Variants in SOX5 observed in about 807,000 individuals in gnomAD.
SOX5 encodes the protein transcription factor SOX-5.
A neutral mutation model predicts 92.0 loss-of-function variants in SOX5; 9 were observed. The ratio of observed to expected loss-of-function variants is 0.10; its 90% CI spans 0.06 to 0.17. The LOEUF is 0.17. Ranked by LOEUF, SOX5 falls within the 10% of genes least tolerant of loss-of-function variation. SOX5 has a pLI of 1.00. For synonymous variants in SOX5, 344 were observed against 336.3 expected (o/e 1.02, Z -0.25); for missense variants, 642 against 944.5 (o/e 0.68, Z 4.20).
chr12:23,667,067 G>C (rs183748590), intron 6 of SOX5, among the ~76,000 whole-genome samples: 99 of 152,186 alleles, frequency 6.5e-4, no homozygotes, highest in Non-Finnish European at 9.7e-4. Flanking sequence ...AGCGAGGACT[G>C]AGAGAGGGAG....
At chr12:24,455,953 C>T (rs1259325508) in intron 1 of SOX5, among the ~76,000 whole-genome samples, 1 of 152,138 alleles carries the variant, frequency 6.6e-6, no homozygotes, top group Non-Finnish European at 1.5e-5. Context: ...TCCAAAGCTC[C>T]CCATGGATTA....
intron 2 of SOX5, among the ~76,000 whole-genome samples, chr12:24,342,232 T>A (rs1952660482): frequency 6.6e-6 from 1 of 152,218 alleles, no homozygotes; most frequent in Non-Finnish European, 1.5e-5. Context: ...ATGAAATGTT[T>A]CTTTGAGCCT....
intron 1 of SOX5, among the ~76,000 whole-genome samples, chr12:24,402,459 G>A (rs939820158): frequency 4.0e-5 from 6 of 151,890 alleles, no homozygotes; most frequent in South Asian, 2.1e-4. Context: ...TAATTCCTCC[G>A]CCTGCCTCTT....
intron 9 of SOX5, among the ~76,000 whole-genome samples, chr12:23,590,155 A>T (rs1026972867): frequency 1.3e-5 from 2 of 152,000 alleles, no homozygotes; most frequent in Non-Finnish European, 2.9e-5. Context: ...CCAGTGTCAC[A>T]AACATAGGCA....
At chr12:24,202,404 T>C (rs933947392) in intron 4 of SOX5, among the ~76,000 whole-genome samples, 8 of 152,196 alleles carry the variant, frequency 5.3e-5, no homozygotes, top group Non-Finnish European at 1.2e-4. Flanking sequence ...AGAGTGTCCA[T>C]ATATTCTTTA....
At chr12:23,779,808 T>TACACAC (rs1230420618) in intron 3 of SOX5, among the ~76,000 whole-genome samples, 3 of 104,964 alleles carry the variant, frequency 2.9e-5, no homozygotes, top group African/African-American at 1.3e-4. Context: ...TATATATATA[T>TACACAC]ATATATACAC....
At chr12:23,687,868 C>T (rs2087905623) in intron 6 of SOX5, among the ~76,000 whole-genome samples, 1 of 108,200 alleles carries the variant, frequency 9.2e-6, no homozygotes, top group Admixed American at 1.1e-4. Context: ...TTGGGTAGTG[C>T]CAGTTCACTT....
intron 3 of SOX5, among the ~76,000 whole-genome samples, chr12:23,756,189 T>TGTGGCGGTAAGCAC (rs2094367517): frequency 1.3e-5 from 2 of 151,662 alleles, no homozygotes; most frequent in South Asian, 4.2e-4. Flanking sequence ...TTTAACATCG[T>TGTGGCGGTAAGCAC]GTGGCGGTAA....
At chr12:23,890,113 A>G (rs2097113196) in intron 2 of SOX5, among the ~76,000 whole-genome samples, 1 of 152,184 alleles carries the variant, frequency 6.6e-6, no homozygotes, top group South Asian at 2.1e-4. Flanking sequence ...TGAGGTCAGG[A>G]GTTCGAGACC....
At chr12:24,173,956 G>A (rs898243803) in intron 4 of SOX5, among the ~76,000 whole-genome samples, 1 of 152,004 alleles carries the variant, frequency 6.6e-6, no homozygotes, top group Non-Finnish European at 1.5e-5. Context: ...TCAGAATCTT[G>A]GGCAGTGTGA....
chr12:24,316,521 T>C (rs1040679345), intron 2 of SOX5, among the ~76,000 whole-genome samples: 3 of 152,146 alleles, frequency 2.0e-5, no homozygotes, highest in Admixed American at 6.5e-5. Context: ...TCAGAAGTGA[T>C]TGGAATTCTC....
At chr12:24,142,201 G>T (rs535254885) in intron 4 of SOX5, among the ~76,000 whole-genome samples, 2 of 152,128 alleles carry the variant, frequency 1.3e-5, no homozygotes, top group East Asian at 3.9e-4. Flanking sequence ...ATGGGGTAGA[G>T]AGAAAAGAAA....
chr12:24,341,101 G>C (rs1478976018), intron 2 of SOX5, among the ~76,000 whole-genome samples: 2 of 152,176 alleles, frequency 1.3e-5, no homozygotes, highest in South Asian at 4.1e-4. Context: ...TGGGTTGTGA[G>C]GTAATTTCAT....
At chr12:24,250,965 T>C (rs566344542) in intron 3 of SOX5, among the ~76,000 whole-genome samples, 103 of 152,352 alleles carry the variant, frequency 6.8e-4, no homozygotes, top group African/African-American at 2.4e-3. Context: ...TCCCTTGCCC[T>C]TTAATTCCTA....
chr12:24,035,502 A>G (rs552522173), intron 4 of SOX5, among the ~76,000 whole-genome samples: 226 of 152,246 alleles, frequency 1.5e-3, no homozygotes, highest in African/African-American at 5.2e-3. Flanking sequence ...AAAGAAATAC[A>G]GCAATCAAGA....
chr12:23,600,950 G>A (rs2074411406), intron 9 of SOX5, among the ~76,000 whole-genome samples: 1 of 152,004 alleles, frequency 6.6e-6, no homozygotes, highest in Non-Finnish European at 1.5e-5. Flanking sequence ...AAAGTGATAT[G>A]TCTGTCATAC....
chr12:23,545,466 T>C lies in SOX5; in HGVS notation c.1597+850A>G, dbSNP rs144075616. ...ATTTAATTTCTTCTCACTGTGGATG[T>C]TTAGAATGTTCAGAGATGATACAGA... is the stretch of plus-strand genomic sequence containing the variant. On this transcript the variant is annotated intron_variant, in intron 12 of 14. Coordinates refer to ENST00000451604, the MANE Select transcript of SOX5 (RefSeq NM_006940.6). 3.9e-4 allele frequency among the ~76,000 whole-genome samples: 60 copies of C among 152,270 alleles called. 1 individual carries two copies. The highest frequency in any genetic ancestry group is 5.3e-4 in the Non-Finnish European group (36 of 68,024).
intron 4 of SOX5, among the ~76,000 whole-genome samples, chr12:24,210,017 CAAAAAAAAAAAAAAAAA>C (rs1173723179): frequency 4.8e-5 from 3 of 62,692 alleles, no homozygotes; most frequent in Admixed American, 2.7e-4. Flanking sequence ...GACTCCGTCT[CAAAAAAAAAAAAAAAAA>C]AAAAAAAAAA....
intron 4 of SOX5, among the ~76,000 whole-genome samples, chr12:23,973,219 T>C (rs1318405863): frequency 6.8e-6 from 1 of 146,828 alleles, no homozygotes; most frequent in Non-Finnish European, 1.5e-5. Context: ...TGGAGTGCAG[T>C]GGTGTGATCT....
Sources: allele counts gnomAD v4.1 joint callset (sites outside exome capture counted in the v4.1 genomes callset), GRCh38; gene constraint gnomAD v4.1.1; transcripts MANE v1.5; gene names NCBI Gene and HGNC (gene_info 2026-07-23, HGNC 2026-07-21).